Variants in PKHD1 observed in about 807,000 individuals in gnomAD.
PKHD1 encodes PKHD1 ciliary IPT domain containing fibrocystin/polyductin, also known as fibrocystin.
In PKHD1, 291 loss-of-function variants were observed where a neutral mutation model predicts 412.0. The observed-to-expected ratio is 0.71, with a 90% confidence interval of 0.64 to 0.78. The LOEUF is 0.78. Ranked by LOEUF, PKHD1 falls within the 30% of genes least tolerant of loss-of-function variation. The pLI is 0.00. For missense variants in PKHD1, 4,825 were observed against 4,950.7 expected, an observed-to-expected ratio of 0.97 and a Z score of 0.76; for synonymous variants, 1,777 against 1,821.5, an observed-to-expected ratio of 0.98 and a Z score of 0.62.
intron 63 of PKHD1, 46 bp from the exon 64 acceptor site, chr6:51,639,002 T>A: frequency 7.7e-7 from 1 of 1,292,488 alleles, no homozygotes; most frequent in Non-Finnish European, 1.1e-6. Context: ...TTATCTAATC[T>A]CGAACAATGT....
In PKHD1 at chr6:51,903,601, A is replaced by T. The variant is rs200179145; in HGVS notation, c.6992T>A (p.Ile2331Lys). The change falls in exon 43 of 67, where the codon ATA becomes AAA. Residue 2331 changes from isoleucine to lysine, a missense_variant. Coordinates refer to ENST00000371117, the MANE Select transcript of PKHD1 (RefSeq NM_138694.4). ...TGGTAGAGCTGAACATCTTACCTCT[A>T]TAACATTGGTGGGACTGCAGATATA... is the stretch of plus-strand genomic sequence containing the variant. ...GIYICSPTNV[I>K]EGNRVCGAGY... The T allele has an allele frequency of 4.6e-4, 736 of 1,610,036 alleles. No homozygotes were observed. Among genetic ancestry groups the T allele is most frequent in the Non-Finnish European group, 4.0e-4 (468 of 1,177,266 alleles).
chr6:51,628,352 A>G (rs928230643), intron 65 of PKHD1, among the ~76,000 whole-genome samples: 12 of 152,122 alleles, frequency 7.9e-5, no homozygotes, highest in African/African-American at 2.7e-4. Flanking sequence ...TCCTGCATTA[A>G]TTCACTTAGT....
chr6:51,993,320 T>C (rs1381247685), intron 35 of PKHD1, among the ~76,000 whole-genome samples: 1 of 152,214 alleles, frequency 6.6e-6, no homozygotes, highest in Non-Finnish European at 1.5e-5. Context: ...AATCAGCATC[T>C]TTTACACATC....
At chr6:51,774,477 GATCAA>G (rs1790669869) in intron 54 of PKHD1, among the ~76,000 whole-genome samples, 1 of 151,808 alleles carries the variant, frequency 6.6e-6, no homozygotes, top group Admixed American at 6.6e-5. Context: ...GGCAAAAGAA[GATCAA>G]ATATTCTTAT....
chr6:51,989,255 A>T (rs1258632721), intron 35 of PKHD1, among the ~76,000 whole-genome samples: 1 of 152,152 alleles, frequency 6.6e-6, no homozygotes, highest in Admixed American at 6.5e-5. Context: ...TTAAAGCCAT[A>T]CTCTTTTAGA....
intron 18 of PKHD1, 142 bp downstream of exon 18, chr6:52,056,556 C>G: frequency 1.4e-6 from 1 of 728,054 alleles, no homozygotes; most frequent in Non-Finnish European, 2.4e-6. Context: ...AGTCCCTCAG[C>G]CACTCAGTGT....
intron 35 of PKHD1, 60 bp from the exon 36 acceptor site, chr6:51,960,086 G>T (rs148074621): frequency 1.3e-6 from 2 of 1,545,514 alleles, no homozygotes; most frequent in Non-Finnish European, 1.8e-6. Context: ...CTGTTGCTTC[G>T]TTGGTTGGTT....
chr6:51,789,089 CT>C (rs2151245755), intron 53 of PKHD1, among the ~76,000 whole-genome samples: 1 of 152,210 alleles, frequency 6.6e-6, no homozygotes, highest in African/African-American at 2.4e-5. Flanking sequence ...TTCTCCCTGG[CT>C]TTCAGAGGAA....
At chr6:51,771,578 C>T (rs1230474532) in intron 55 of PKHD1, among the ~76,000 whole-genome samples, 1 of 150,634 alleles carries the variant, frequency 6.6e-6, no homozygotes, top group Non-Finnish European at 1.5e-5. Context: ...AAGATTGTGC[C>T]ATTGCAATCC....
chr6:51,697,446 C>T (rs962624180), intron 60 of PKHD1, among the ~76,000 whole-genome samples: 7 of 152,204 alleles, frequency 4.6e-5, no homozygotes, highest in African/African-American at 1.7e-4. Flanking sequence ...GCTGAAAACA[C>T]ATTCTCCTCA....
In PKHD1 at chr6:51,713,513, A is replaced by C. The variant is rs114747110; in HGVS notation, c.10156+30872T>G. ...GAGAGAGGGAAGGGCAATGTAAGACAGAAAAGATCTGCCGTGAGTAAGAAC... is the reference window on the plus strand; with the variant it reads ...GAGAGAGGGAAGGGCAATGTAAGACCGAAAAGATCTGCCGTGAGTAAGAAC... On this transcript the variant is annotated intron_variant, in intron 60 of 66. Transcript: ENST00000371117. Among the ~76,000 whole-genome samples the C allele has an allele frequency of 4.3e-3, 656 of 152,316 alleles. 2 individuals are homozygous for C. The highest frequency in any genetic ancestry group is 8.0e-3 in the Non-Finnish European group (545 of 68,018).
intron 60 of PKHD1, among the ~76,000 whole-genome samples, chr6:51,711,110 G>T (rs569915341): frequency 6.6e-6 from 1 of 152,304 alleles, no homozygotes; most frequent in South Asian, 2.1e-4. Context: ...ATTCATACGT[G>T]TGCAACCAAG....
intron 60 of PKHD1, among the ~76,000 whole-genome samples, chr6:51,684,477 T>C (rs1162518556): frequency 1.3e-5 from 2 of 152,120 alleles, no homozygotes; most frequent in East Asian, 3.9e-4. Context: ...CCAGTTAGTT[T>C]AGAAGCAAAA....
chr6:51,951,941 T>G (rs1790427318), intron 36 of PKHD1, among the ~76,000 whole-genome samples: 2 of 152,224 alleles, frequency 1.3e-5, no homozygotes, highest in South Asian at 4.1e-4. Context: ...GAAACATTTA[T>G]CTTTCATTAC....
intron 52 of PKHD1, among the ~76,000 whole-genome samples, chr6:51,804,143 C>T (rs565045407): frequency 1.3e-5 from 2 of 151,304 alleles, no homozygotes; most frequent in Admixed American, 1.3e-4. Context: ...TCTGTTTCTT[C>T]CTACTTTCGA....
intron 47 of PKHD1, among the ~76,000 whole-genome samples, 167 bp downstream of exon 47, chr6:51,870,337 C>A (rs545774519): frequency 1.6e-4 from 24 of 152,280 alleles, no homozygotes; most frequent in Non-Finnish European, 2.9e-5. Context: ...AGAAGCTGTA[C>A]TGGGAGAACC....
intron 38 of PKHD1, 27 bp downstream of exon 38, chr6:51,912,339 C>A: frequency 6.9e-7 from 1 of 1,457,080 alleles, no homozygotes; most frequent in South Asian, 1.1e-5. Flanking sequence ...TCTTCCATGT[C>A]AACTTAGCCA....
intron 27 of PKHD1, among the ~76,000 whole-genome samples, chr6:52,041,251 G>C (rs2128179281): frequency 1.3e-5 from 2 of 152,168 alleles, no homozygotes; most frequent in East Asian, 3.8e-4. Context: ...GCCCCAGCCT[G>C]GTTCTCTTTA....
In PKHD1 at chr6:51,934,241, C is replaced by T. The variant is rs1486620317; in HGVS notation, c.5990G>A (p.Arg1997Gln). 3.7e-6 allele frequency: 6 copies of T among 1,613,866 alleles called. No individual in the cohort carries two copies. The highest frequency in any genetic ancestry group is 5.1e-6 in the Non-Finnish European group (6 of 1,179,912). The change falls in exon 37 of 67, where the codon CGG becomes CAG. Residue 1997 changes from arginine (R) to glutamine (Q), a missense_variant. Coordinates refer to ENST00000371117, the MANE Select transcript of PKHD1 (RefSeq NM_138694.4). ...GAAGGGCTTGTCTTCGGATCCAATC[C>T]GGAGCTCTCCACCATCAGAAACAAG... Reference protein sequence around the residue: ...AILVSDGGELRIGSEDKPFQG... With the variant: ...AILVSDGGELQIGSEDKPFQG...
Sources: allele counts gnomAD v4.1 joint callset (sites outside exome capture counted in the v4.1 genomes callset), GRCh38; gene constraint gnomAD v4.1.1; transcripts MANE v1.5; gene names NCBI Gene and HGNC (gene_info 2026-07-23, HGNC 2026-07-21).